Variants in NUP160 observed in about 807,000 individuals in gnomAD.
NUP160 encodes nucleoporin 160.
A neutral mutation model predicts 196.9 loss-of-function variants in NUP160; 94 were observed. The observed-to-expected ratio is 0.48, with a 90% CI of 0.40 to 0.57. The LOEUF (loss-of-function observed/expected upper bound fraction) is 0.57, where lower values mean the gene tolerates loss of function less well. Ranked by LOEUF, NUP160 falls within the 20% of genes least tolerant of loss-of-function variation. NUP160 has a pLI of 0.00. For missense variants in NUP160, 1,638 were observed against 1,748.3 expected (o/e 0.94, Z 1.13); for synonymous variants, 605 against 619.7 (o/e 0.98, Z 0.35).
chr11:47,804,644 T>C, intron 20 of NUP160, 26 bp from the exon 21 acceptor site: 1 of 1,465,786 alleles, frequency 6.8e-7, no homozygotes, highest in Non-Finnish European at 9.1e-7. Flanking sequence ...GGATATTTCT[T>C]AATTTTTGTT....
chr11:47,819,554 G>A (rs916222338), intron 9 of NUP160, 96 bp from the exon 10 acceptor site: 9 of 697,158 alleles, frequency 1.3e-5, no homozygotes, highest in African/African-American at 1.1e-4. Flanking sequence ...ACCCCATCAC[G>A]GAACCCGGCA....
At chr11:47,845,368 G>A (rs1406531629) in intron 2 of NUP160, among the ~76,000 whole-genome samples, 4 of 152,178 alleles carry the variant, frequency 2.6e-5, no homozygotes, top group Non-Finnish European at 5.9e-5. Context: ...TCGAACTCCT[G>A]ACCTCAGGTG....
At chr11:47,816,147 G>C (rs952618972) in intron 11 of NUP160, 118 bp from the exon 12 acceptor site, 1 of 619,506 alleles carries the variant, frequency 1.6e-6, no homozygotes, top group African/African-American at 1.9e-5. Flanking sequence ...GGCATACCTG[G>C]AACACACATC....
At chr11:47,789,777 C>T (rs1269648876) in intron 29 of NUP160, among the ~76,000 whole-genome samples, 2 of 151,640 alleles carry the variant, frequency 1.3e-5, no homozygotes, top group East Asian at 1.9e-4. Context: ...TATAGTTGAC[C>T]CTTGAACAAT....
intron 29 of NUP160, among the ~76,000 whole-genome samples, chr11:47,791,262 TTTC>T (rs1389323517): frequency 2.0e-5 from 3 of 152,170 alleles, no homozygotes; most frequent in Non-Finnish European, 4.4e-5. Context: ...AGTTCAACTC[TTTC>T]TTGTCATGTT....
intron 5 of NUP160, among the ~76,000 whole-genome samples, 164 bp from the exon 6 acceptor site, chr11:47,837,165 G>A (rs1349018836): frequency 5.9e-5 from 9 of 152,124 alleles, no homozygotes; most frequent in African/African-American, 1.4e-4. Context: ...TTGGTTTATC[G>A]CCAATTACTA....
exon 11 of NUP160, chr11:47,818,066 T>C: frequency 6.2e-7 from 1 of 1,609,340 alleles, no homozygotes; most frequent in Non-Finnish European, 8.5e-7. Context: ...CTGTAAAGCC[T>C]TACATAAAGC....
chr11:47,806,264 C>A, exon 20 of NUP160: 1 of 1,613,794 alleles, frequency 6.2e-7, no homozygotes, highest in South Asian at 1.1e-5. Context: ...AATGTGTTTT[C>A]TTGCAACTTC....
chr11:47,793,722 G>GTTTTTTTTT (rs750497969), intron 27 of NUP160, among the ~76,000 whole-genome samples: 2 of 87,644 alleles, frequency 2.3e-5, no homozygotes, highest in African/African-American at 1.0e-4. Context: ...TAAGATATCT[G>GTTTTTTTTT]TTTTTTTTTT....
chr11:47,847,807 AC>A (rs1269453719), intron 2 of NUP160, 40 bp downstream of exon 2: 8 of 1,424,168 alleles, frequency 5.6e-6, no homozygotes, highest in Non-Finnish European at 7.0e-6. Flanking sequence ...TATACACCAA[AC>A]CCTACCTTCC....
intron 2 of NUP160, among the ~76,000 whole-genome samples, chr11:47,844,821 C>T (rs1852368416): frequency 6.6e-6 from 1 of 152,178 alleles, no homozygotes; most frequent in Non-Finnish European, 1.5e-5. Context: ...TTCTAAGTCA[C>T]AGGATGAGAT....
exon 34 of NUP160, chr11:47,783,163 T>C: frequency 6.2e-7 from 1 of 1,613,914 alleles, no homozygotes; most frequent in South Asian, 1.1e-5. Context: ...GGTCATAGTT[T>C]AAGTATAAAC....
chr11:47,796,014 C>A (rs543287645), intron 27 of NUP160, among the ~76,000 whole-genome samples: 74 of 151,768 alleles, frequency 4.9e-4, no homozygotes, highest in Non-Finnish European at 9.4e-4. Flanking sequence ...ATTAACCGGG[C>A]GTGGTGGTAG....
chr11:47,782,350 A>T (rs1164141671), intron 34 of NUP160, among the ~76,000 whole-genome samples: 1 of 108,362 alleles, frequency 9.2e-6, no homozygotes, highest in Non-Finnish European at 1.9e-5. Flanking sequence ...ATATATATAT[A>T]TATATATGCG....
chr11:47,846,235 C>A (rs963363231), intron 2 of NUP160, among the ~76,000 whole-genome samples: 4 of 152,014 alleles, frequency 2.6e-5, no homozygotes, highest in African/African-American at 7.3e-5. Context: ...CCTCAGCCCC[C>A]CAAAGTGCTG....
chr11:47,847,944 A>C (rs1599355058), exon 2 of NUP160: 2 of 1,614,150 alleles, frequency 1.2e-6, no homozygotes, highest in East Asian at 4.5e-5. Flanking sequence ...GGCGCCAGCC[A>C]CGGCATTTGC....
chr11:47,846,539 T>A (rs1219379672), intron 2 of NUP160, among the ~76,000 whole-genome samples: 1 of 152,178 alleles, frequency 6.6e-6, no homozygotes, highest in Non-Finnish European at 1.5e-5. Flanking sequence ...TCTTTTACCA[T>A]CCCTTACCCC....
chr11:47,822,180 A>G lies in NUP160; in HGVS notation c.1102-16T>C. ...AAATGCAGAACTGTTAAAACACAAG[A>G]TGATCATTTATTACCTGAAATAATC... is the stretch of plus-strand genomic sequence containing the variant. On this transcript the variant is annotated splice_polypyrimidine_tract_variant and intron_variant, in intron 7 of 35. Transcript: ENST00000378460. The G allele has an allele frequency of 6.7e-7, 1 of 1,501,426 alleles. No individual in the cohort carries two copies. Among genetic ancestry groups the G allele is most frequent in the Non-Finnish European group, 9.3e-7 (1 of 1,080,280 alleles). 93.0% of individuals were successfully genotyped at this position (1,501,426 alleles called of 1,614,324 possible).
intron 29 of NUP160, among the ~76,000 whole-genome samples, chr11:47,791,553 C>G (rs1692322263): frequency 6.6e-6 from 1 of 152,068 alleles, no homozygotes; most frequent in South Asian, 2.1e-4. Flanking sequence ...ACTGACCAGG[C>G]TGGTCTTGAA....
Sources: gnomAD v4.1 joint callset for allele counts (sites outside exome capture counted in the v4.1 genomes callset) on GRCh38, gnomAD v4.1.1 for gene constraint, MANE v1.5 for transcripts, NCBI Gene and HGNC (gene_info 2026-07-23, HGNC 2026-07-21) for gene names.